The following GPC5 variants were observed in gnomAD, a reference collection of about 807,000 sequenced individuals.
GPC5 encodes the protein glypican-5.
GPC5 carries 47 observed loss-of-function variants against 53.9 expected under a neutral mutation model. That is an observed-to-expected ratio of 0.87 (90% CI 0.69 to 1.11). The LOEUF (loss-of-function observed/expected upper bound fraction) is 1.11, where lower values mean the gene tolerates loss of function less well. Among genes scored for constraint, GPC5 ranks in the 50% most tolerant of loss-of-function variants. The pLI is 0.00. For synonymous variants in GPC5, 286 were observed against 263.3 expected, an observed-to-expected ratio of 1.09 and a Z score of -0.84; for missense variants, 748 against 713.1, an observed-to-expected ratio of 1.05 and a Z score of -0.56.
intron 7 of GPC5, among the ~76,000 whole-genome samples, chr13:92,174,298 G>A (rs2042092198): frequency 6.6e-6 from 1 of 150,922 alleles, no homozygotes; most frequent in African/African-American, 2.4e-5. Flanking sequence ...GAGACAGGTG[G>A]ATCACGAGGT....
At chr13:92,757,859 T>C (rs951741280) in intron 7 of GPC5, among the ~76,000 whole-genome samples, 3 of 151,552 alleles carry the variant, frequency 2.0e-5, no homozygotes, top group Admixed American at 6.6e-5. Flanking sequence ...TGTGGAGAAA[T>C]AGGAACACTT....
At chr13:92,179,563 A>T (rs1473158483) in intron 7 of GPC5, among the ~76,000 whole-genome samples, 1 of 152,244 alleles carries the variant, frequency 6.6e-6, no homozygotes, top group Non-Finnish European at 1.5e-5. Flanking sequence ...GTCACAGTGT[A>T]TCTTTTAACA....
At chr13:92,700,544 C>CT (rs1887700684) in intron 7 of GPC5, among the ~76,000 whole-genome samples, 4 of 152,028 alleles carry the variant, frequency 2.6e-5, no homozygotes, top group Admixed American at 2.6e-4. Flanking sequence ...CATCAATGTT[C>CT]TTTACAATTT....
chr13:92,383,454 T>C (rs1256071640), intron 7 of GPC5, among the ~76,000 whole-genome samples: 1 of 152,200 alleles, frequency 6.6e-6, no homozygotes. Context: ...ACAAAGGAAA[T>C]AGTGATATTA....
intron 7 of GPC5, among the ~76,000 whole-genome samples, chr13:92,186,921 G>A (rs940511107): frequency 6.6e-6 from 1 of 152,066 alleles, no homozygotes; most frequent in Non-Finnish European, 1.5e-5. Flanking sequence ...AGACTAGCCC[G>A]GCCAACATGG....
chr13:92,275,048 G>T (rs1383578847), intron 7 of GPC5, among the ~76,000 whole-genome samples: 1 of 150,102 alleles, frequency 6.7e-6, no homozygotes, highest in Non-Finnish European at 1.5e-5. Context: ...TTGAGCATAA[G>T]ATAATAGATG....
intron 2 of GPC5, among the ~76,000 whole-genome samples, chr13:91,584,699 C>T (rs1278523390): frequency 6.6e-6 from 1 of 152,084 alleles, no homozygotes; most frequent in Non-Finnish European, 1.5e-5. Context: ...CTGTCTCAGC[C>T]TCCCTGCCTC....
chr13:92,148,449 T>G (rs999097052), intron 7 of GPC5, among the ~76,000 whole-genome samples: 1 of 152,104 alleles, frequency 6.6e-6, no homozygotes. Flanking sequence ...TCTAAATAAT[T>G]TCTATTTGTA....
intron 7 of GPC5, among the ~76,000 whole-genome samples, chr13:92,168,479 A>C (rs1052381323): frequency 1.3e-5 from 2 of 152,232 alleles, no homozygotes; most frequent in African/African-American, 4.8e-5. Flanking sequence ...AAGAAACTTA[A>C]ATTTACAAGA....
At chr13:92,531,467 C>A (rs892017453) in intron 7 of GPC5, among the ~76,000 whole-genome samples, 1 of 151,574 alleles carries the variant, frequency 6.6e-6, no homozygotes, top group African/African-American at 2.4e-5. Flanking sequence ...ATACATATTT[C>A]TGTATATATA....
At chr13:91,771,370 T>C (rs2138696315) in intron 5 of GPC5, among the ~76,000 whole-genome samples, 2 of 152,292 alleles carry the variant, frequency 1.3e-5, no homozygotes, top group East Asian at 3.9e-4. Flanking sequence ...GGGAAGCTAT[T>C]CTTGCGTCTT....
At chr13:92,334,077 C>A (rs1444962099) in intron 7 of GPC5, among the ~76,000 whole-genome samples, 1 of 152,096 alleles carries the variant, frequency 6.6e-6, no homozygotes, top group Non-Finnish European at 1.5e-5. Context: ...TTGATCACAG[C>A]AAGGTTGTAG....
At chr13:91,519,055 CATA>C (rs1224934617) in intron 2 of GPC5, among the ~76,000 whole-genome samples, 1 of 152,150 alleles carries the variant, frequency 6.6e-6, no homozygotes, top group Admixed American at 6.6e-5. Flanking sequence ...CATTAACGTT[CATA>C]ATGTTTTCCG....
intron 7 of GPC5, among the ~76,000 whole-genome samples, chr13:92,264,077 G>A (rs1297550386): frequency 6.6e-6 from 1 of 151,956 alleles, no homozygotes; most frequent in African/African-American, 2.4e-5. Context: ...ATAATTATTT[G>A]TCATTTAAAA....
intron 2 of GPC5, among the ~76,000 whole-genome samples, chr13:91,565,533 G>A (rs2031489778): frequency 6.6e-6 from 1 of 152,142 alleles, no homozygotes; most frequent in Non-Finnish European, 1.5e-5. Flanking sequence ...GGCTGTTATT[G>A]GCAGGGAATC....
At chr13:92,797,863 A>AGATAGATAGATAGAT (rs1555313668) in intron 7 of GPC5, among the ~76,000 whole-genome samples, 1 of 141,082 alleles carries the variant, frequency 7.1e-6, no homozygotes, top group Non-Finnish European at 1.6e-5. Flanking sequence ...ATAGATAGAT[A>AGATAGATAGATAGAT]GATAGATGAT....
chr13:92,138,333 A>G (rs9560934), intron 6 of GPC5, among the ~76,000 whole-genome samples: 47,105 of 151,766 alleles, frequency 0.31, 9,010 homozygotes, highest in South Asian at 0.59. Context: ...ATCCTGGCAA[A>G]AAATGGTGAA....
chr13:91,571,880 C>CGTATACGTGTGTGT lies in GPC5; in HGVS notation c.326-121307_326-121306insGTATACGTGTGTGT, dbSNP rs2031846678. Among the ~76,000 whole-genome samples the CGTATACGTGTGTGT allele has an allele frequency of 9.9e-5, 10 of 101,132 alleles. 3 individuals carry two copies. The highest frequency in any genetic ancestry group is 2.9e-4 in the African/African-American group (6 of 20,770). The allele number at this position is 101,132 out of a possible 152,430, so 66.3% of individuals were successfully genotyped here. On this transcript the variant is annotated intron_variant, in intron 2 of 7. Transcript: ENST00000377067. Reference sequence around the variant, plus strand: ...ATATACGTGTGTGTATATATACACACATATACGTGTGTATATACACATATT... The same window carrying CGTATACGTGTGTGT: ...ATATACGTGTGTGTATATATACACACGTATACGTGTGTGTATATACGTGTGTATATACACATATT...
At chr13:92,075,118 A>T (rs1420569450) in intron 6 of GPC5, among the ~76,000 whole-genome samples, 7 of 152,134 alleles carry the variant, frequency 4.6e-5, no homozygotes, top group Non-Finnish European at 7.4e-5. Context: ...CCTTTACCCA[A>T]TGCCAAAAAG....
Sources: allele counts gnomAD v4.1 joint callset (sites outside exome capture counted in the v4.1 genomes callset), GRCh38; gene constraint gnomAD v4.1.1; transcripts MANE v1.5; gene names NCBI Gene and HGNC (gene_info 2026-07-23, HGNC 2026-07-21).